The following BBS9 variants were observed in gnomAD, a reference collection of about 807,000 sequenced individuals.
The protein encoded by BBS9 is protein PTHB1.
In BBS9, 89 loss-of-function variants were observed where a neutral mutation model predicts 117.7. That is an observed-to-expected ratio of 0.76 (90% CI 0.64 to 0.90). The LOEUF (loss-of-function observed/expected upper bound fraction) is 0.90, where lower values mean the gene tolerates loss of function less well. Among genes scored for constraint, BBS9 ranks in the 40% least tolerant of loss-of-function variants. The probability of loss-of-function intolerance (pLI) is 0.00; values close to 1 mark genes in which losing one functional copy is unlikely to be tolerated. For missense variants in BBS9, 982 were observed against 1,042.2 expected, an observed-to-expected ratio of 0.94 and a Z score of 0.80; for synonymous variants, 379 against 370.9, an observed-to-expected ratio of 1.02 and a Z score of -0.25.
chr7:33,625,857 A>G (rs1389695168), intron 21 of BBS9, among the ~76,000 whole-genome samples: 1 of 152,234 alleles, frequency 6.6e-6, no homozygotes, highest in Admixed American at 6.5e-5. Context: ...ATATATAATC[A>G]TCTTAGTTAA....
intron 17 of BBS9, among the ~76,000 whole-genome samples, chr7:33,368,616 A>ACACACACACACACACCCC (rs996468631): frequency 6.9e-6 from 1 of 145,600 alleles, no homozygotes; most frequent in African/African-American, 2.6e-5. Context: ...ACACACACAC[A>ACACACACACACACACCCC]CCCATACCCC....
In BBS9 at chr7:33,504,780, C is replaced by T. The variant is rs376104435; in HGVS notation, c.2116-683C>T. The stretch of plus-strand genomic sequence containing the variant: ...ATTATTCAAAAAGATGAAAAAAAGT[C>T]AATTCTACTCACTCCTGCCAATTTT... On this transcript the variant is annotated intron_variant, in intron 19 of 22. Coordinates refer to ENST00000242067, the MANE Select transcript of BBS9 (RefSeq NM_198428.3). 2.4e-3 allele frequency among the ~76,000 whole-genome samples: 357 copies of T among 151,846 alleles called. 7 individuals carry two copies. In the South Asian group the frequency reaches 0.05, roughly 21 times the overall value.
At position 33,228,568 on chromosome 7, in the gene BBS9, C is replaced by T. The variant is rs183031516; in HGVS notation, c.443-28668C>T. On this transcript the variant is annotated intron_variant, in intron 5 of 22. Transcript: ENST00000242067. Reference sequence around the variant, plus strand: ...ATCCACGTATAACTTTTGACTCCCCCGAAAATTAACTATTATTAGCCTACT... The same window carrying T: ...ATCCACGTATAACTTTTGACTCCCCTGAAAATTAACTATTATTAGCCTACT... Among the ~76,000 whole-genome samples, 573 of 152,122 alleles carry T rather than the reference C, an allele frequency of 3.8e-3. 5 individuals are homozygous for T. The highest frequency in any genetic ancestry group is 0.013 in the African/African-American group (541 of 41,506).
chr7:33,337,273 A>G (rs1036295538), intron 10 of BBS9, among the ~76,000 whole-genome samples: 8 of 152,152 alleles, frequency 5.3e-5, no homozygotes, highest in African/African-American at 1.9e-4. Flanking sequence ...CTGCAGTTTG[A>G]GTTGGACATG....
intron 4 of BBS9, among the ~76,000 whole-genome samples, chr7:33,174,020 T>C (rs1202737563): frequency 6.6e-6 from 1 of 152,196 alleles, no homozygotes; most frequent in Non-Finnish European, 1.5e-5. Flanking sequence ...TCTGACCTAG[T>C]CAGATATAAG....
chr7:33,307,011 A>T (rs530482017), intron 9 of BBS9, among the ~76,000 whole-genome samples: 1 of 152,190 alleles, frequency 6.6e-6, no homozygotes, highest in African/African-American at 2.4e-5. Context: ...CTTCTCAGCT[A>T]TTAAATGCAA....
chr7:33,445,101 G>A (rs1252491280), intron 19 of BBS9, among the ~76,000 whole-genome samples: 2 of 152,134 alleles, frequency 1.3e-5, no homozygotes, highest in African/African-American at 2.4e-5. Flanking sequence ...TGTACAATAA[G>A]TTACATCCCT....
intron 6 of BBS9, among the ~76,000 whole-genome samples, chr7:33,260,740 C>A (rs137900516): frequency 1.1e-4 from 16 of 152,306 alleles, no homozygotes; most frequent in African/African-American, 3.8e-4. Flanking sequence ...ATTTGTCATA[C>A]AGGCTATAGC....
intron 13 of BBS9, chr7:33,349,432 G>T (rs569645325): frequency 2.2e-6 from 1 of 460,606 alleles, no homozygotes; most frequent in Admixed American, 2.7e-5. Context: ...AATTGTTTTT[G>T]ATTTATTTAT....
Position 33,177,542 on chromosome 7 carries a change from T to C in BBS9, c.393T>C (p.Leu131=). The C allele has an allele frequency of 6.2e-7, 1 of 1,613,792 alleles. No homozygotes were observed. Among genetic ancestry groups the C allele is most frequent in the Non-Finnish European group, 8.5e-7 (1 of 1,179,902 alleles). The change falls in exon 5 of 23, where the codon CTT becomes CTC. Residue 131 remains leucine (L), a synonymous_variant. Transcript: ENST00000242067. ...TGAAATTGATGTATGAACATAATCT[T>C]CAGAGAACAGCCTGCAATATGACCT... ...CQMKLMYEHN[L]QRTACNMTYG... is the part of the protein sequence containing the mutation.
intron 5 of BBS9, among the ~76,000 whole-genome samples, chr7:33,206,545 C>G (rs1251021828): frequency 1.3e-5 from 2 of 152,118 alleles, no homozygotes; most frequent in East Asian, 3.9e-4. Flanking sequence ...TTTTTCCTGT[C>G]CCTTGCTCTC....
intron 19 of BBS9, among the ~76,000 whole-genome samples, chr7:33,404,402 G>A (rs1403430543): frequency 1.3e-5 from 2 of 152,110 alleles, no homozygotes; most frequent in Admixed American, 6.5e-5. Context: ...TAGCTTGATG[G>A]GGATGGCATT....
Position 33,481,835 on chromosome 7 carries a change from G to T in BBS9, c.2116-23628G>T, listed in dbSNP as rs111753345. 9.9e-5 allele frequency among the ~76,000 whole-genome samples: 15 copies of T among 152,258 alleles called. 1 individual carries two copies. Among genetic ancestry groups the T allele is most frequent in the African/African-American group, 3.6e-4 (15 of 41,554 alleles). ...TTTAAGGGCAGAATTGAAAGGACATGGGGTCTTAATAAAGGGGATAAAAGT... is the reference window on the plus strand; with the variant it reads ...TTTAAGGGCAGAATTGAAAGGACATTGGGTCTTAATAAAGGGGATAAAAGT... On this transcript the variant is annotated intron_variant, in intron 19 of 22. Transcript: ENST00000242067.
intron 4 of BBS9, among the ~76,000 whole-genome samples, chr7:33,164,467 G>T (rs552275846): frequency 1.3e-4 from 20 of 152,310 alleles, no homozygotes; most frequent in African/African-American, 4.6e-4. Flanking sequence ...GGGAGTCTAA[G>T]TCTCTTTGTA....
intron 21 of BBS9, among the ~76,000 whole-genome samples, chr7:33,577,737 A>T (rs10265416): frequency 0.35 from 53,942 of 152,020 alleles, 13,842 homozygotes; most frequent in African/African-American, 0.72. Flanking sequence ...AAAGGATAAG[A>T]TCATGTCCTT....
intron 19 of BBS9, among the ~76,000 whole-genome samples, chr7:33,459,690 C>T (rs748461700): frequency 6.6e-6 from 1 of 152,038 alleles, no homozygotes; most frequent in Non-Finnish European, 1.5e-5. Flanking sequence ...ATATCTCTTG[C>T]CCCCTGCTGG....
intron 9 of BBS9, among the ~76,000 whole-genome samples, chr7:33,310,942 C>G (rs1262163827): frequency 6.6e-6 from 1 of 152,038 alleles, no homozygotes; most frequent in East Asian, 1.9e-4. Context: ...TGGGAGAGAC[C>G]AAGATTAAAT....
At chr7:33,442,699 T>C (rs1836390137) in intron 19 of BBS9, among the ~76,000 whole-genome samples, 1 of 152,218 alleles carries the variant, frequency 6.6e-6, no homozygotes, top group South Asian at 2.1e-4. Flanking sequence ...ACTATAAATG[T>C]GCCAAGTATA....
chr7:33,621,348 GAAACAAAGAATCT>G (rs1419198593), intron 21 of BBS9, among the ~76,000 whole-genome samples: 1 of 152,014 alleles, frequency 6.6e-6, no homozygotes, highest in African/African-American at 2.4e-5. Flanking sequence ...CAATAGCAAG[GAAACAAAGAATCT>G]GATTGAAAAA....
Sources: gnomAD v4.1 joint callset for allele counts (sites outside exome capture counted in the v4.1 genomes callset) on GRCh38, gnomAD v4.1.1 for gene constraint, MANE v1.5 for transcripts, NCBI Gene and HGNC (gene_info 2026-07-23, HGNC 2026-07-21) for gene names.